Variants in BARX2 observed in about 807,000 individuals in gnomAD.
The protein encoded by BARX2 is BARX homeobox 2.
In BARX2, 11 loss-of-function variants were observed where a neutral mutation model predicts 25.5. That is an observed-to-expected ratio of 0.43 (90% CI 0.27 to 0.71). The LOEUF is 0.71. Ranked by LOEUF, BARX2 falls within the 30% of genes least tolerant of loss-of-function variation. The pLI is 0.19. For synonymous variants in BARX2, 137 were observed against 149.5 expected (o/e 0.92, Z 0.61); for missense variants, 360 against 359.9 (o/e 1.00, Z 0.00).
At chr11:129,406,309 A>G (rs1361659722) in intron 1 of BARX2, among the ~76,000 whole-genome samples, 1 of 152,224 alleles carries the variant, frequency 6.6e-6, no homozygotes, top group Non-Finnish European at 1.5e-5. Flanking sequence ...TCATTTTCAC[A>G]GTTTAGAAAA....
intron 1 of BARX2, among the ~76,000 whole-genome samples, chr11:129,433,756 C>T (rs1237426282): frequency 1.3e-5 from 2 of 152,180 alleles, no homozygotes; most frequent in African/African-American, 4.8e-5. Context: ...ATCCCCAATA[C>T]TGCCCTCTGC....
intron 1 of BARX2, among the ~76,000 whole-genome samples, chr11:129,379,814 CT>C (rs754461379): frequency 3.7e-3 from 562 of 152,040 alleles, no homozygotes; most frequent in Middle Eastern, 0.014. Flanking sequence ...TACTTAGAAC[CT>C]AGAATTACCT....
intron 1 of BARX2, among the ~76,000 whole-genome samples, chr11:129,423,169 T>G (rs1205575546): frequency 6.9e-6 from 1 of 145,474 alleles, no homozygotes; most frequent in African/African-American, 2.6e-5. Flanking sequence ...CAGGCTGGAG[T>G]GTAATGGCGT....
chr11:129,396,289 G>A (rs1861720251), intron 1 of BARX2, among the ~76,000 whole-genome samples: 1 of 151,966 alleles, frequency 6.6e-6, no homozygotes, highest in Admixed American at 6.6e-5. Context: ...CTTGATGTAG[G>A]TAATATGTTT....
At chr11:129,427,792 GC>G (rs1198735936) in intron 1 of BARX2, among the ~76,000 whole-genome samples, 1 of 152,182 alleles carries the variant, frequency 6.6e-6, no homozygotes, top group Admixed American at 6.5e-5. Flanking sequence ...AGATGGAGGA[GC>G]TGTGCCAAGA....
At chr11:129,418,337 G>T (rs1429817914) in intron 1 of BARX2, among the ~76,000 whole-genome samples, 1 of 152,206 alleles carries the variant, frequency 6.6e-6, no homozygotes, top group Non-Finnish European at 1.5e-5. Flanking sequence ...GCTTGGCTCA[G>T]TTCTTTGGAC....
rs1231727746 is a variant in BARX2, at chr11:129,376,071, C to T, written c.36C>T (p.Pro12=). 4.4e-6 allele frequency: 7 copies of T among 1,606,164 alleles called. No individual in the cohort carries two copies. Among genetic ancestry groups the T allele is most frequent in the African/African-American group, 2.7e-5 (2 of 74,046 alleles). Residue 12 remains proline (P), a synonymous_variant, in exon 1 of 4, where the codon CCC becomes CCT. Coordinates refer to ENST00000281437, the MANE Select transcript of BARX2 (RefSeq NM_003658.5). This position sits in a 1 kb window ranked among gnomAD's most constrained non-coding sequence, Gnocchi z 4.2. ...HCHAELRLSS[P]GQLKAARRRY... Reference sequence around the variant, plus strand: ...ACGCCGAGCTGAGGCTGAGCTCGCCCGGCCAGCTCAAAGCAGCCAGGCGGC... The same window carrying T: ...ACGCCGAGCTGAGGCTGAGCTCGCCTGGCCAGCTCAAAGCAGCCAGGCGGC...
intron 3 of BARX2, among the ~76,000 whole-genome samples, chr11:129,443,565 T>C (rs4937427): frequency 0.58 from 88,140 of 151,976 alleles, 26,219 homozygotes; most frequent in East Asian, 0.9. Context: ...AGGCTGGGAA[T>C]GTGCGTGTTA....
chr11:129,395,739 A>G (rs1293557062), intron 1 of BARX2, among the ~76,000 whole-genome samples: 1 of 152,084 alleles, frequency 6.6e-6, no homozygotes, highest in Non-Finnish European at 1.5e-5. Flanking sequence ...GAATCTCTGC[A>G]CGTGTAAAAT....
chr11:129,438,317 G>A (rs1862216718), intron 2 of BARX2: 1 of 112,854 alleles, frequency 8.9e-6, no homozygotes, highest in Non-Finnish European at 1.7e-5. Context: ...GCGAGACTCA[G>A]TCTCAAAAAA....
chr11:129,413,688 T>G (rs61911198), intron 1 of BARX2, among the ~76,000 whole-genome samples: 2,694 of 150,654 alleles, frequency 0.018, 37 homozygotes, highest in Middle Eastern at 0.031. Flanking sequence ...GAGAGGCGGG[T>G]GGAACGGAAA....
chr11:129,408,833 T>C (rs1421825817), intron 1 of BARX2, among the ~76,000 whole-genome samples: 2 of 152,346 alleles, frequency 1.3e-5, no homozygotes, highest in African/African-American at 4.8e-5. Context: ...GACTGCAAGC[T>C]CCTTGAGCAG....
intron 1 of BARX2, among the ~76,000 whole-genome samples, chr11:129,380,977 AT>A (rs1861557263): frequency 6.6e-6 from 1 of 152,130 alleles, no homozygotes; most frequent in African/African-American, 2.4e-5. Flanking sequence ...GGGTTTCACC[AT>A]GTTGGCCAGG....
intron 1 of BARX2, among the ~76,000 whole-genome samples, chr11:129,424,523 A>T (rs1862042825): frequency 6.6e-6 from 1 of 151,634 alleles, no homozygotes; most frequent in Non-Finnish European, 1.5e-5. Context: ...CCCTCTTGGA[A>T]CTCAGTTCCT....
rs1450279106 is a variant in BARX2 at position 129,390,552 on chromosome 11, A to G, written c.187+14330A>G. ...GGGAGTGGAAAAGGAATGTTGGCCA[A>G]TGGGGAAGGGAGAGTGAGGGGTAAG... On this transcript the variant is annotated intron_variant, in intron 1 of 3. Coordinates refer to ENST00000281437, the MANE Select transcript of BARX2 (RefSeq NM_003658.5). This position sits in a 1 kb window ranked among gnomAD's most constrained non-coding sequence, Gnocchi z 4.3. Among the ~76,000 whole-genome samples, 1 of 152,082 alleles carries G rather than the reference A, an allele frequency of 6.6e-6. No individual in the cohort carries two copies. The highest frequency in any genetic ancestry group is 1.5e-5 in the Non-Finnish European group (1 of 68,006).
intron 1 of BARX2, among the ~76,000 whole-genome samples, chr11:129,420,542 T>C (rs1318199413): frequency 6.6e-6 from 1 of 152,258 alleles, no homozygotes; most frequent in Non-Finnish European, 1.5e-5. Context: ...TTATTTAGTG[T>C]GTTATTAGCT....
intron 1 of BARX2, among the ~76,000 whole-genome samples, chr11:129,406,332 G>T (rs1167071412): frequency 6.6e-6 from 1 of 152,212 alleles, no homozygotes; most frequent in South Asian, 2.1e-4. Flanking sequence ...GGCTCAAAGA[G>T]ATTAATTCCT....
chr11:129,411,457 C>T (rs889628592), intron 1 of BARX2, among the ~76,000 whole-genome samples: 6 of 151,554 alleles, frequency 4.0e-5, no homozygotes, highest in Non-Finnish European at 7.4e-5. Flanking sequence ...TTATGCTCAG[C>T]AAATAGCACT....
chr11:129,378,309 A>C (rs1861525147), intron 1 of BARX2, among the ~76,000 whole-genome samples: 1 of 152,214 alleles, frequency 6.6e-6, no homozygotes, highest in South Asian at 2.1e-4. Context: ...ATACTTTCAG[A>C]TCATAAGCCT....
Sources: gnomAD v4.1 joint callset for allele counts (sites outside exome capture counted in the v4.1 genomes callset) on GRCh38, gnomAD v4.1.1 for gene constraint, Gnocchi (gnomAD v3.1) non-coding constraint, MANE v1.5 for transcripts, NCBI Gene and HGNC (gene_info 2026-07-23, HGNC 2026-07-21) for gene names.